Variants in BMPER observed in about 807,000 individuals in gnomAD.
BMPER encodes the protein BMP-binding endothelial regulator protein.
BMPER carries 45 observed loss-of-function variants against 87.3 expected under a neutral mutation model. The observed-to-expected ratio is 0.52, with a 90% CI of 0.41 to 0.66. The LOEUF is 0.66. BMPER is among the 30% of genes least tolerant of loss of function. The pLI, the probability that BMPER is intolerant of heterozygous loss-of-function variation, is 0.00. For missense variants in BMPER, 784 were observed against 867.5 expected (o/e 0.90, Z 1.21); for synonymous variants, 326 against 316.2 (o/e 1.03, Z -0.33).
At chr7:34,057,432 A>C (rs1788314484) in intron 9 of BMPER, among the ~76,000 whole-genome samples, 1 of 152,188 alleles carries the variant, frequency 6.6e-6, no homozygotes, top group African/African-American at 2.4e-5. Flanking sequence ...CCTGCATTTT[A>C]AGAGGAGAGG....
At chr7:33,931,800 G>A (rs552643359) in intron 2 of BMPER, among the ~76,000 whole-genome samples, 1 of 152,170 alleles carries the variant, frequency 6.6e-6, no homozygotes, top group Non-Finnish European at 1.5e-5. Context: ...TCTCCACATG[G>A]ACCACTATTG....
At chr7:34,004,970 A>G (rs1189128717) in intron 6 of BMPER, among the ~76,000 whole-genome samples, 2 of 152,144 alleles carry the variant, frequency 1.3e-5, no homozygotes, top group African/African-American at 2.4e-5. Context: ...CCCTATAGAC[A>G]TCCTTAAATA....
intron 6 of BMPER, among the ~76,000 whole-genome samples, chr7:33,996,253 G>A (rs926941622): frequency 5.9e-5 from 9 of 152,078 alleles, no homozygotes; most frequent in African/African-American, 2.2e-4. Flanking sequence ...GTCCCAGCTG[G>A]TTGTGAGGAT....
At chr7:34,062,855 A>G (rs963329832) in intron 11 of BMPER, among the ~76,000 whole-genome samples, 4 of 152,190 alleles carry the variant, frequency 2.6e-5, no homozygotes, top group African/African-American at 4.8e-5. Flanking sequence ...CCACAGTCCT[A>G]TATGTGGTCC....
chr7:34,136,614 C>A (rs927714994), intron 13 of BMPER, among the ~76,000 whole-genome samples: 1 of 152,208 alleles, frequency 6.6e-6, no homozygotes, highest in Non-Finnish European at 1.5e-5. Flanking sequence ...AAGATGCCTT[C>A]ACTCACTTCT....
At chr7:34,124,639 A>G (rs1056989956) in intron 13 of BMPER, among the ~76,000 whole-genome samples, 1 of 152,122 alleles carries the variant, frequency 6.6e-6, no homozygotes, top group African/African-American at 2.4e-5. Context: ...ACTTTCTACA[A>G]TCTATGCATA....
intron 2 of BMPER, among the ~76,000 whole-genome samples, chr7:33,931,218 A>G (rs1784472308): frequency 6.6e-6 from 1 of 152,194 alleles, no homozygotes; most frequent in Admixed American, 6.5e-5. Context: ...GTCTGTTCCT[A>G]AAGTCTCAAC....
chr7:34,032,222 T>C (rs1472452896), intron 6 of BMPER, among the ~76,000 whole-genome samples: 2 of 151,956 alleles, frequency 1.3e-5, no homozygotes, highest in African/African-American at 4.8e-5. Flanking sequence ...ACTGGGAATC[T>C]GAAGGAGCTC....
chr7:33,920,748 C>G (rs1253498987), intron 2 of BMPER, among the ~76,000 whole-genome samples: 1 of 151,800 alleles, frequency 6.6e-6, no homozygotes, highest in Non-Finnish European at 1.5e-5. Flanking sequence ...TTTAATAAAC[C>G]CTTCCAGTGA....
At chr7:34,134,962 A>G (rs1790683935) in intron 13 of BMPER, among the ~76,000 whole-genome samples, 1 of 152,152 alleles carries the variant, frequency 6.6e-6, no homozygotes, top group South Asian at 2.1e-4. Context: ...TTCCACAAAA[A>G]CAATCCATAG....
At chr7:33,966,279 G>A (rs1204444671) in intron 3 of BMPER, among the ~76,000 whole-genome samples, 200 bp from the exon 4 acceptor site, 2 of 152,180 alleles carry the variant, frequency 1.3e-5, no homozygotes, top group South Asian at 4.1e-4. Flanking sequence ...CTTCTCAGTA[G>A]TCAATGAATT....
chr7:34,049,022 A>G (rs767331012), intron 7 of BMPER, among the ~76,000 whole-genome samples: 2 of 152,208 alleles, frequency 1.3e-5, no homozygotes, highest in African/African-American at 2.4e-5. Context: ...ATCTTAGTCT[A>G]ATTAGACTTT....
chr7:34,140,460 A>G (rs1166012211), intron 13 of BMPER, among the ~76,000 whole-genome samples: 1 of 152,232 alleles, frequency 6.6e-6, no homozygotes, highest in Non-Finnish European at 1.5e-5. Flanking sequence ...GGCTTGGACA[A>G]ATATTTTTCT....
At chr7:33,946,257 A>G (rs1784892251) in intron 3 of BMPER, among the ~76,000 whole-genome samples, 1 of 152,014 alleles carries the variant, frequency 6.6e-6, no homozygotes, top group African/African-American at 2.4e-5. Context: ...TGATTCAATT[A>G]CTTCCCACTG....
At chr7:34,057,912 G>A (rs534440632) in intron 9 of BMPER, 147 bp from the exon 10 acceptor site, 26 of 704,104 alleles carry the variant, frequency 3.7e-5, no homozygotes, top group South Asian at 3.4e-4. Context: ...TCAGTTGGAT[G>A]TAGACAGACA....
intron 6 of BMPER, among the ~76,000 whole-genome samples, chr7:34,031,144 G>A (rs1787507436): frequency 6.6e-6 from 1 of 152,024 alleles, no homozygotes; most frequent in South Asian, 2.1e-4. Context: ...ATGGATTGTG[G>A]TTACTGCATC....
chr7:34,077,834 T>G (rs991854362), intron 11 of BMPER, among the ~76,000 whole-genome samples: 3 of 152,228 alleles, frequency 2.0e-5, no homozygotes, highest in African/African-American at 7.2e-5. Context: ...GACATTCTCA[T>G]ATTCTTGACC....
chr7:34,083,782 CCTCTCT>C (rs138588578), intron 12 of BMPER, among the ~76,000 whole-genome samples: 1 of 150,492 alleles, frequency 6.6e-6, no homozygotes, highest in Non-Finnish European at 1.5e-5. Flanking sequence ...TAGACAAGAT[CCTCTCT>C]CTCTCTCTCT....
intron 13 of BMPER, among the ~76,000 whole-genome samples, chr7:34,140,947 C>T (rs530257402): frequency 6.6e-6 from 1 of 152,160 alleles, no homozygotes; most frequent in East Asian, 1.9e-4. Context: ...GCCGTGTATA[C>T]AGAAAGAGAC....
Sources: allele counts gnomAD v4.1 joint callset (sites outside exome capture counted in the v4.1 genomes callset), GRCh38; gene constraint gnomAD v4.1.1; transcripts MANE v1.5; gene names NCBI Gene and HGNC (gene_info 2026-07-23, HGNC 2026-07-21).